The following TNIK variants were observed in gnomAD, a reference collection of about 807,000 sequenced individuals.
The protein encoded by TNIK is TRAF2 and NCK interacting kinase.
In TNIK, 49 loss-of-function variants were observed where a neutral mutation model predicts 191.3. The observed-to-expected ratio is 0.26, with a 90% CI of 0.20 to 0.32. The LOEUF is 0.32. Among genes scored for constraint, TNIK ranks in the 10% least tolerant of loss-of-function variants. The pLI is 1.00. For missense variants in TNIK, 1,155 were observed against 1,702.3 expected, an observed-to-expected ratio of 0.68 and a Z score of 5.66; for synonymous variants, 594 against 600.9, an observed-to-expected ratio of 0.99 and a Z score of 0.17.
chr3:171,438,571 A>G (rs1726334018), intron 1 of TNIK, among the ~76,000 whole-genome samples: 1 of 152,256 alleles, frequency 6.6e-6, no homozygotes, highest in African/African-American at 2.4e-5. Context: ...TAAGAAGCTT[A>G]TAATTTAAAT....
intron 2 of TNIK, among the ~76,000 whole-genome samples, chr3:171,293,951 G>A (rs1312886642): frequency 6.6e-6 from 1 of 152,170 alleles, no homozygotes; most frequent in Non-Finnish European, 1.5e-5. Context: ...CCGGCTGGGC[G>A]CAGTGGCTCA....
At chr3:171,386,385 T>C (rs1055864372) in intron 1 of TNIK, among the ~76,000 whole-genome samples, 5 of 152,212 alleles carry the variant, frequency 3.3e-5, no homozygotes, top group African/African-American at 9.7e-5. Context: ...TGTTTTTTAA[T>C]ATGTTAAATT....
At chr3:171,149,332 G>T (rs917132466) in intron 12 of TNIK, among the ~76,000 whole-genome samples, 2 of 152,028 alleles carry the variant, frequency 1.3e-5, no homozygotes, top group African/African-American at 2.4e-5. Context: ...CTAACTCCAG[G>T]TTTTTTTTCA....
intron 12 of TNIK, among the ~76,000 whole-genome samples, chr3:171,154,480 C>A (rs969513828): frequency 3.9e-5 from 6 of 152,048 alleles, no homozygotes; most frequent in Non-Finnish European, 2.9e-5. Flanking sequence ...CAGGCACGCT[C>A]CCCAAAATGA....
At chr3:171,178,187 G>A (rs976720286) in intron 7 of TNIK, among the ~76,000 whole-genome samples, 1 of 152,128 alleles carries the variant, frequency 6.6e-6, no homozygotes, top group Non-Finnish European at 1.5e-5. Flanking sequence ...ATTTCTTTTA[G>A]TTAAATACCT....
At chr3:171,265,811 G>C (rs993053621) in intron 2 of TNIK, among the ~76,000 whole-genome samples, 5 of 152,164 alleles carry the variant, frequency 3.3e-5, no homozygotes, top group African/African-American at 9.7e-5. Context: ...CCTAAGGAGG[G>C]TTGATCTGAG....
At chr3:171,157,386 G>C in intron 12 of TNIK, 74 bp downstream of exon 12, 1 of 1,506,168 alleles carries the variant, frequency 6.6e-7, no homozygotes, top group Non-Finnish European at 9.0e-7. Flanking sequence ...TGGGATGTGG[G>C]CCCCCAGGGA....
At chr3:171,196,105 C>A (rs1275656720) in intron 4 of TNIK, among the ~76,000 whole-genome samples, 1 of 152,040 alleles carries the variant, frequency 6.6e-6, no homozygotes, top group African/African-American at 2.4e-5. Context: ...TAACTAAGAG[C>A]TGACAAATAA....
At chr3:171,427,703 G>A (rs1420858276) in intron 1 of TNIK, among the ~76,000 whole-genome samples, 4 of 152,232 alleles carry the variant, frequency 2.6e-5, no homozygotes, top group African/African-American at 9.6e-5. Context: ...TTTAGCCACT[G>A]GTACTATAAC....
chr3:171,213,635 A>T (rs1313598447), intron 3 of TNIK, among the ~76,000 whole-genome samples: 1 of 152,180 alleles, frequency 6.6e-6, no homozygotes, highest in Non-Finnish European at 1.5e-5. Context: ...CAAAATAAAT[A>T]GTACTGGAGG....
At chr3:171,408,332 C>T (rs150446368) in intron 1 of TNIK, among the ~76,000 whole-genome samples, 2 of 152,178 alleles carry the variant, frequency 1.3e-5, no homozygotes, top group Admixed American at 1.3e-4. Flanking sequence ...ACTTTCAAAT[C>T]TTATTTAATA....
intron 19 of TNIK, among the ~76,000 whole-genome samples, chr3:171,109,200 C>T (rs1725460696): frequency 6.6e-6 from 1 of 152,172 alleles, no homozygotes; most frequent in Non-Finnish European, 1.5e-5. Context: ...GGGGCTCTGT[C>T]ACCTAGGCTG....
intron 9 of TNIK, among the ~76,000 whole-genome samples, chr3:171,170,039 T>TCA (rs1367953686): frequency 6.6e-6 from 1 of 152,230 alleles, no homozygotes; most frequent in East Asian, 1.9e-4. Flanking sequence ...TGAAAACACT[T>TCA]CACCTATGTT....
chr3:171,285,362 G>C (rs948961525), intron 2 of TNIK, among the ~76,000 whole-genome samples: 5 of 152,196 alleles, frequency 3.3e-5, no homozygotes, highest in African/African-American at 4.8e-5. Context: ...ATATATGTTA[G>C]CTTGCCTGAC....
At chr3:171,349,726 A>G (rs1712827672) in intron 2 of TNIK, among the ~76,000 whole-genome samples, 1 of 152,180 alleles carries the variant, frequency 6.6e-6, no homozygotes, top group South Asian at 2.1e-4. Context: ...CATTTCAGTC[A>G]TGTTTTGATG....
intron 2 of TNIK, among the ~76,000 whole-genome samples, chr3:171,299,516 T>C (rs187063379): frequency 6.6e-6 from 1 of 152,334 alleles, no homozygotes; most frequent in East Asian, 1.9e-4. Context: ...GCTTAACTAC[T>C]TGATACAATG....
intron 4 of TNIK, among the ~76,000 whole-genome samples, chr3:171,198,261 T>C (rs1738959789): frequency 1.4e-5 from 1 of 71,164 alleles, no homozygotes. Flanking sequence ...AGACTCCGTC[T>C]CAAAAAAAAA....
chr3:171,111,848 T>C (rs1725900599), intron 18 of TNIK, among the ~76,000 whole-genome samples: 2 of 152,218 alleles, frequency 1.3e-5, no homozygotes, highest in South Asian at 4.1e-4. Context: ...ATCTCACTTA[T>C]AGGTGGAATC....
intron 2 of TNIK, among the ~76,000 whole-genome samples, chr3:171,253,557 GA>G (rs1428026055): frequency 6.9e-5 from 10 of 144,004 alleles, no homozygotes; most frequent in South Asian, 6.7e-4. Flanking sequence ...AGATCTGCCT[GA>G]AAAAAAAAAG....
Sources: gnomAD v4.1 joint callset for allele counts (sites outside exome capture counted in the v4.1 genomes callset) on GRCh38, gnomAD v4.1.1 for gene constraint, MANE v1.5 for transcripts, NCBI Gene and HGNC (gene_info 2026-07-23, HGNC 2026-07-21) for gene names.